PVT1: variants seen among roughly 807,000 people sequenced by gnomAD.
PVT1 encodes the protein Pvt1 oncogene.
At chr8:127,901,561 A>G (rs1464179050) in intron 3 of PVT1, among the ~76,000 whole-genome samples, 3 of 152,010 alleles carry the variant, frequency 2.0e-5, no homozygotes, top group Non-Finnish European at 4.4e-5. Context: ...ACAAGGAATG[A>G]TTTTTTTCTT....
chr8:128,083,743 A>G (rs1814220666), intron 5 of PVT1, among the ~76,000 whole-genome samples: 1 of 152,184 alleles, frequency 6.6e-6, no homozygotes, highest in African/African-American at 2.4e-5. Context: ...GGGAGGGCTA[A>G]TGCCTGAGCT....
intron 3 of PVT1, among the ~76,000 whole-genome samples, chr8:127,930,071 T>C (rs1312085195): frequency 1.3e-5 from 2 of 152,156 alleles, no homozygotes; most frequent in Admixed American, 6.5e-5. Flanking sequence ...GGGAAAAGGA[T>C]TTGCTGTGTG....
At chr8:127,871,793 A>C (rs1280704489) in intron 2 of PVT1, among the ~76,000 whole-genome samples, 1 of 152,192 alleles carries the variant, frequency 6.6e-6, no homozygotes, top group African/African-American at 2.4e-5. Context: ...TATATTGTAC[A>C]TTTAAAAATA....
chr8:127,818,768 T>C (rs148816865), intron 2 of PVT1, among the ~76,000 whole-genome samples: 312 of 152,256 alleles, frequency 2.0e-3, no homozygotes, highest in African/African-American at 7.4e-3. Flanking sequence ...AGAAAATAAG[T>C]GGTACTCACT....
At chr8:127,833,028 C>T (rs963651896) in intron 2 of PVT1, among the ~76,000 whole-genome samples, 4 of 152,150 alleles carry the variant, frequency 2.6e-5, no homozygotes, top group African/African-American at 9.7e-5. Context: ...AGGAATCTCC[C>T]CCCACCTCCC....
At chr8:128,027,095 A>G (rs1462102805) in intron 4 of PVT1, among the ~76,000 whole-genome samples, 1 of 143,790 alleles carries the variant, frequency 7.0e-6, no homozygotes, top group East Asian at 2.1e-4. Flanking sequence ...CTGTTCTTAC[A>G]TAAGAATCTC....
At chr8:127,796,931 TA>T in intron 2 of PVT1, among the ~76,000 whole-genome samples, 1 of 146,862 alleles carries the variant, frequency 6.8e-6, no homozygotes, top group African/African-American at 2.5e-5. Context: ...CAGGCTGGAG[TA>T]AAATGGCTGG....
intron 2 of PVT1, among the ~76,000 whole-genome samples, chr8:127,843,331 C>A (rs1178131833): frequency 6.6e-6 from 1 of 152,098 alleles, no homozygotes; most frequent in African/African-American, 2.4e-5. Flanking sequence ...CGCAACAGAG[C>A]GAGACTCTGT....
At chr8:127,866,259 C>G (rs1037920518) in intron 2 of PVT1, among the ~76,000 whole-genome samples, 9 of 152,196 alleles carry the variant, frequency 5.9e-5, no homozygotes, top group Non-Finnish European at 1.3e-4. Context: ...TTCCATAACA[C>G]GTATCCCAAC....
intron 2 of PVT1, among the ~76,000 whole-genome samples, chr8:127,869,562 A>G (rs1586414744): frequency 6.6e-6 from 1 of 152,118 alleles, no homozygotes; most frequent in East Asian, 1.9e-4. Flanking sequence ...ATGGTAGACA[A>G]TACCAACTGT....
At position 128,012,326 on chromosome 8, in the gene PVT1, T is replaced by C. The variant is rs141245238; in HGVS notation, n.912+23035T>C. ...TCAGTCTTTTCCAAGGTGGAAATAATATTTTCTCTGAGGCTGATGTTTTTC... is the reference window on the plus strand; with the variant it reads ...TCAGTCTTTTCCAAGGTGGAAATAACATTTTCTCTGAGGCTGATGTTTTTC... On this transcript the variant is annotated intron_variant and non_coding_transcript_variant, in intron 4 of 10. Transcript: ENST00000651587. Among the ~76,000 whole-genome samples the C allele has an allele frequency of 1.8e-3, 268 of 152,318 alleles. 1 individual carries two copies. The highest frequency in any genetic ancestry group is 6.1e-3 in the African/African-American group (254 of 41,574).
chr8:128,023,733 C>CAG (rs973422135), intron 4 of PVT1, among the ~76,000 whole-genome samples: 4 of 152,150 alleles, frequency 2.6e-5, no homozygotes, highest in Admixed American at 6.5e-5. Flanking sequence ...GCTGGACATT[C>CAG]AGAGAGAGAG....
At chr8:127,975,498 G>A (rs1325177983) in intron 3 of PVT1, among the ~76,000 whole-genome samples, 1 of 152,186 alleles carries the variant, frequency 6.6e-6, no homozygotes. Context: ...CCATGTGGAT[G>A]CCTTCAAGTT....
At chr8:127,930,013 C>T (rs1369127024) in intron 3 of PVT1, among the ~76,000 whole-genome samples, 1 of 152,180 alleles carries the variant, frequency 6.6e-6, no homozygotes, top group Non-Finnish European at 1.5e-5. Flanking sequence ...TGGAAGTACT[C>T]TGTAGTGATA....
At chr8:127,988,087 A>T (rs1221996612) in intron 3 of PVT1, among the ~76,000 whole-genome samples, 1 of 152,238 alleles carries the variant, frequency 6.6e-6, no homozygotes, top group Admixed American at 6.5e-5. Context: ...TATGACAACC[A>T]GAGTGCCTCA....
At chr8:128,069,917 C>G (rs1054042238) in intron 4 of PVT1, among the ~76,000 whole-genome samples, 1 of 152,106 alleles carries the variant, frequency 6.6e-6, no homozygotes, top group African/African-American at 2.4e-5. Context: ...CCCCCTACCC[C>G]CAGCCACTTG....
chr8:127,891,338 G>A (rs1050003024), intron 3 of PVT1, among the ~76,000 whole-genome samples: 3 of 152,246 alleles, frequency 2.0e-5, no homozygotes, highest in Non-Finnish European at 4.4e-5. Flanking sequence ...AGACAGGATT[G>A]TTAATGAATG....
At chr8:127,941,234 G>A (rs1401551592) in intron 3 of PVT1, among the ~76,000 whole-genome samples, 1 of 152,172 alleles carries the variant, frequency 6.6e-6, no homozygotes, top group Non-Finnish European at 1.5e-5. Flanking sequence ...AGCTAGAAAA[G>A]ATTATCTAAT....
chr8:127,840,432 G>A (rs532841626), intron 2 of PVT1, among the ~76,000 whole-genome samples: 2 of 152,348 alleles, frequency 1.3e-5, no homozygotes, highest in Admixed American at 6.5e-5. Flanking sequence ...ATTCTGGAAC[G>A]TTTGATAATC....
Sources: allele counts gnomAD v4.1 joint callset (sites outside exome capture counted in the v4.1 genomes callset), GRCh38; gene constraint gnomAD v4.1.1; transcripts MANE v1.5; gene names NCBI Gene and HGNC (gene_info 2026-07-23, HGNC 2026-07-21).